The following ASCC3 variants were observed in gnomAD, a reference collection of about 807,000 sequenced individuals.
The protein encoded by ASCC3 is ASC-1 complex subunit P200.
A neutral mutation model predicts 256.3 loss-of-function variants in ASCC3; 158 were observed. The ratio of observed to expected loss-of-function variants is 0.62; its 90% CI spans 0.54 to 0.70. ASCC3 has a LOEUF of 0.70. Ranked by LOEUF, ASCC3 falls within the 30% of genes least tolerant of loss-of-function variation. ASCC3 has a pLI of 0.00. For synonymous variants in ASCC3, 948 were observed against 883.4 expected, an observed-to-expected ratio of 1.07 and a Z score of -1.30; for missense variants, 2,259 against 2,626.0, an observed-to-expected ratio of 0.86 and a Z score of 3.05.
intron 13 of ASCC3, among the ~76,000 whole-genome samples, chr6:100,710,694 G>A (rs1247929581): frequency 1.3e-5 from 2 of 151,988 alleles, no homozygotes; most frequent in Admixed American, 6.6e-5. Context: ...GTTCTCCTAG[G>A]ATCCCCTATA....
At chr6:100,657,794 G>A (rs1319441885) in intron 16 of ASCC3, among the ~76,000 whole-genome samples, 1 of 151,320 alleles carries the variant, frequency 6.6e-6, no homozygotes, top group Non-Finnish European at 1.5e-5. Context: ...CACTAAAAAG[G>A]ACAAGACTAC....
chr6:100,712,912 C>T (rs1019250367), intron 13 of ASCC3, among the ~76,000 whole-genome samples: 5 of 151,816 alleles, frequency 3.3e-5, no homozygotes, highest in African/African-American at 1.2e-4. Flanking sequence ...CGCCCACCAC[C>T]ACGCCCGGCT....
At chr6:100,528,412 A>G (rs564793931) in intron 37 of ASCC3, among the ~76,000 whole-genome samples, 1 of 152,330 alleles carries the variant, frequency 6.6e-6, no homozygotes, top group East Asian at 1.9e-4. Context: ...TACAATTCAT[A>G]TACTTCTTCC....
intron 38 of ASCC3, among the ~76,000 whole-genome samples, chr6:100,517,519 C>A (rs948920027): frequency 1.3e-5 from 2 of 152,044 alleles, no homozygotes; most frequent in East Asian, 3.9e-4. Flanking sequence ...TAAACTCTTA[C>A]GTATAGGTTA....
intron 36 of ASCC3, among the ~76,000 whole-genome samples, chr6:100,581,167 A>G (rs1771228759): frequency 6.6e-6 from 1 of 152,186 alleles, no homozygotes; most frequent in Admixed American, 6.5e-5. Context: ...ACTGACTTCC[A>G]CAATGGTTGA....
chr6:100,614,151 T>C (rs1480102955), intron 30 of ASCC3, among the ~76,000 whole-genome samples: 1 of 152,224 alleles, frequency 6.6e-6, no homozygotes, highest in Non-Finnish European at 1.5e-5. Flanking sequence ...TTTATTTCCA[T>C]TGTTGAAGAA....
intron 27 of ASCC3, 84 bp downstream of exon 27, chr6:100,628,931 A>G: frequency 8.2e-7 from 1 of 1,223,368 alleles, no homozygotes; most frequent in East Asian, 2.6e-5. Flanking sequence ...ATATATAAAT[A>G]TTACATGCAA....
At position 100,509,285 on chromosome 6, in the gene ASCC3, G is replaced by A. The variant is rs1773638629; in HGVS notation, c.*101C>T. ...ATTTCCTGGATGGTTGAGGTTAGAA[G>A]TTGATTCTTTCAAGGCAAACATCAA... On this transcript the variant is annotated 3_prime_UTR_variant, in exon 42 of 42. Coordinates refer to ENST00000369162, the MANE Select transcript of ASCC3 (RefSeq NM_006828.4). 1 of 1,503,204 alleles carries A rather than the reference G, an allele frequency of 6.7e-7. No individual in the cohort carries two copies. Among genetic ancestry groups the A allele is most frequent in the Admixed American group, 1.7e-5 (1 of 59,806 alleles). The allele number at this position is 1,503,204 out of a possible 1,614,324, so 93.1% of individuals were successfully genotyped here. A position where few individuals can be genotyped will look rare whatever the true frequency, so the allele number is the denominator to read the frequency against.
chr6:100,764,570 A>G (rs1781563331), intron 10 of ASCC3, among the ~76,000 whole-genome samples: 1 of 152,206 alleles, frequency 6.6e-6, no homozygotes, highest in African/African-American at 2.4e-5. Context: ...TTCACCTATC[A>G]TAGTAGTTTT....
At chr6:100,570,161 T>C (rs1770513659) in intron 36 of ASCC3, among the ~76,000 whole-genome samples, 1 of 152,202 alleles carries the variant, frequency 6.6e-6, no homozygotes, top group Non-Finnish European at 1.5e-5. Context: ...AAATCATTTG[T>C]TGGTTTTAAT....
chr6:100,713,450 T>A (rs1270069479), intron 13 of ASCC3, among the ~76,000 whole-genome samples: 1 of 152,126 alleles, frequency 6.6e-6, no homozygotes, highest in East Asian at 1.9e-4. Context: ...GATGTTTAGG[T>A]CAGTGAAACA....
chr6:100,786,158 C>A (rs1769067867), intron 8 of ASCC3, among the ~76,000 whole-genome samples: 1 of 152,150 alleles, frequency 6.6e-6, no homozygotes, highest in African/African-American at 2.4e-5. Flanking sequence ...GACAAACCAT[C>A]CAGATTGTAC....
chr6:100,618,531 CA>C (rs1305735429), intron 30 of ASCC3, among the ~76,000 whole-genome samples: 1 of 152,124 alleles, frequency 6.6e-6, no homozygotes, highest in Admixed American at 6.6e-5. Flanking sequence ...GTGTTTTATG[CA>C]ATAGGTTATG....
rs558232312 is a variant in ASCC3 at position 100,544,475 on chromosome 6, G to A, written c.5551-4088C>T. ...ACACACACCAATATCAGGTATAAGA[G>A]GGGTGACATAACTACAGGTTTTACA... On this transcript the variant is annotated intron_variant, in intron 36 of 41. Coordinates refer to ENST00000369162, the MANE Select transcript of ASCC3 (RefSeq NM_006828.4). 2.6e-5 allele frequency among the ~76,000 whole-genome samples: 4 copies of A among 152,052 alleles called. No individual in the cohort carries two copies. The South Asian group carries it at 8.3e-4, about 32-fold the overall frequency.
At chr6:100,682,829 T>G (rs972268586) in intron 13 of ASCC3, among the ~76,000 whole-genome samples, 1 of 152,166 alleles carries the variant, frequency 6.6e-6, no homozygotes, top group Non-Finnish European at 1.5e-5. Context: ...AAGGAGTACA[T>G]TCTCTTCTAA....
chr6:100,711,933 A>AACAG (rs1442496379), intron 13 of ASCC3, among the ~76,000 whole-genome samples: 1 of 152,176 alleles, frequency 6.6e-6, no homozygotes, highest in African/African-American at 2.4e-5. Flanking sequence ...AAGACTTACA[A>AACAG]ACAGATTAAT....
At chr6:100,708,953 A>C (rs1778739796) in intron 13 of ASCC3, among the ~76,000 whole-genome samples, 1 of 152,118 alleles carries the variant, frequency 6.6e-6, no homozygotes, top group Non-Finnish European at 1.5e-5. Flanking sequence ...AACAATTGCC[A>C]ATTAAGAAAA....
intron 4 of ASCC3, among the ~76,000 whole-genome samples, chr6:100,823,093 C>T (rs1156995129): frequency 2.0e-5 from 3 of 152,116 alleles, no homozygotes; most frequent in East Asian, 1.9e-4. Context: ...ATAGGATTTC[C>T]GTAACTCCAA....
chr6:100,665,838 A>G (rs1313729346), intron 14 of ASCC3, among the ~76,000 whole-genome samples: 1 of 152,112 alleles, frequency 6.6e-6, no homozygotes, highest in Non-Finnish European at 1.5e-5. Context: ...ATCATAAAGC[A>G]AAACTATTTT....
Sources: gnomAD v4.1 joint callset for allele counts (sites outside exome capture counted in the v4.1 genomes callset) on GRCh38, gnomAD v4.1.1 for gene constraint, MANE v1.5 for transcripts, NCBI Gene and HGNC (gene_info 2026-07-23, HGNC 2026-07-21) for gene names.